Variants in GPATCH2 observed in about 807,000 individuals in gnomAD.
GPATCH2 encodes G-patch domain containing 2, also known as G patch domain-containing protein 2.
GPATCH2 carries 51 observed loss-of-function variants against 58.0 expected under a neutral mutation model. The observed-to-expected ratio is 0.88, with a 90% CI of 0.70 to 1.11. The LOEUF is 1.11. Among genes scored for constraint, GPATCH2 ranks in the 50% most tolerant of loss-of-function variants. The pLI is 0.00. For synonymous variants in GPATCH2, 222 were observed against 218.5 expected (o/e 1.02, Z -0.14); for missense variants, 625 against 652.2 (o/e 0.96, Z 0.45).
chr1:217,620,201 C>T lies in GPATCH2; in HGVS notation c.355G>A (p.Asp119Asn), dbSNP rs950192394. Residue 119 changes from aspartate (D) to asparagine (N), a missense_variant, in exon 2 of 10, where the codon GAC (aspartate) becomes AAC (asparagine). Transcript: ENST00000366935. ...CTGCGCTTTGCTACTAACATTTGGT[C>T]ATCAGAGTCACTGTGATCTTTTTTA... is the stretch of plus-strand genomic sequence containing the variant. Reference protein sequence around the residue: ...NNKKDHSDSDDQMLVAKRRPS... With the variant: ...NNKKDHSDSDNQMLVAKRRPS... 1 of 1,613,950 alleles carries T rather than the reference C, an allele frequency of 6.2e-7. No individual in the cohort carries two copies. Among genetic ancestry groups the T allele is most frequent in the Non-Finnish European group, 8.5e-7 (1 of 1,179,970 alleles).
chr1:217,510,644 G>C (rs577167817), intron 6 of GPATCH2, among the ~76,000 whole-genome samples: 1 of 152,066 alleles, frequency 6.6e-6, no homozygotes, highest in African/African-American at 2.4e-5. Context: ...AGAGTGCTCA[G>C]AAATCTTATT....
chr1:217,484,807 G>A (rs1418021089), intron 8 of GPATCH2, among the ~76,000 whole-genome samples: 1 of 150,740 alleles, frequency 6.6e-6, no homozygotes, highest in Non-Finnish European at 1.5e-5. Context: ...AGATATATAT[G>A]TATATGTGTA....
At chr1:217,558,788 GT>G (rs1665770727) in intron 5 of GPATCH2, among the ~76,000 whole-genome samples, 1 of 151,912 alleles carries the variant, frequency 6.6e-6, no homozygotes, top group Non-Finnish European at 1.5e-5. Context: ...TCTACAAAAG[GT>G]TTTAAAAAAT....
At chr1:217,440,604 A>G (rs1163858243) in intron 9 of GPATCH2, among the ~76,000 whole-genome samples, 1 of 152,220 alleles carries the variant, frequency 6.6e-6, no homozygotes, top group Non-Finnish European at 1.5e-5. Flanking sequence ...TTGCATATTT[A>G]GAAAACCCCA....
At chr1:217,459,402 A>G (rs1432394190) in intron 8 of GPATCH2, among the ~76,000 whole-genome samples, 2 of 152,230 alleles carry the variant, frequency 1.3e-5, no homozygotes, top group Non-Finnish European at 2.9e-5. Context: ...TGTCTCTCCA[A>G]GTAGAATCTG....
chr1:217,618,923 C>A (rs1669036164), intron 2 of GPATCH2, among the ~76,000 whole-genome samples: 1 of 151,400 alleles, frequency 6.6e-6, no homozygotes, highest in Non-Finnish European at 1.5e-5. Flanking sequence ...AGATCACACC[C>A]TTGCACTCCA....
chr1:217,565,173 T>G (rs968238440), intron 5 of GPATCH2, among the ~76,000 whole-genome samples: 2 of 152,216 alleles, frequency 1.3e-5, no homozygotes, highest in African/African-American at 2.4e-5. Context: ...CAAAAGGCCC[T>G]AAATGTTCTA....
At chr1:217,581,283 C>T (rs963620916) in intron 5 of GPATCH2, among the ~76,000 whole-genome samples, 1 of 152,130 alleles carries the variant, frequency 6.6e-6, no homozygotes, top group African/African-American at 2.4e-5. Flanking sequence ...TCAAAACTTC[C>T]ATTTTACAGA....
intron 5 of GPATCH2, among the ~76,000 whole-genome samples, chr1:217,562,283 G>T (rs1462090479): frequency 1.3e-5 from 2 of 152,146 alleles, no homozygotes; most frequent in African/African-American, 4.8e-5. Context: ...ATGGAGTAGA[G>T]CATATTATTT....
chr1:217,597,784 T>C (rs181836261), intron 5 of GPATCH2, among the ~76,000 whole-genome samples: 12 of 152,272 alleles, frequency 7.9e-5, no homozygotes, highest in South Asian at 2.1e-4. Flanking sequence ...GTGGACTCCA[T>C]TCTATCCCCA....
chr1:217,485,575 G>A (rs1661419074), intron 8 of GPATCH2, among the ~76,000 whole-genome samples: 2 of 151,416 alleles, frequency 1.3e-5, no homozygotes, highest in Non-Finnish European at 2.9e-5. Flanking sequence ...AGTTGTCTGT[G>A]CACATGTGGC....
chr1:217,444,784 A>C (rs1659307856), intron 9 of GPATCH2, among the ~76,000 whole-genome samples: 1 of 152,208 alleles, frequency 6.6e-6, no homozygotes, highest in African/African-American at 2.4e-5. Context: ...AATAATCTAC[A>C]GCAGCTATAT....
chr1:217,479,773 T>G (rs1275211037), intron 8 of GPATCH2, among the ~76,000 whole-genome samples: 2 of 151,804 alleles, frequency 1.3e-5, no homozygotes, highest in Non-Finnish European at 2.9e-5. Context: ...AGAAATACAC[T>G]TTACCTGTAA....
At chr1:217,601,547 G>C (rs757018872) in intron 5 of GPATCH2, among the ~76,000 whole-genome samples, 12 of 152,014 alleles carry the variant, frequency 7.9e-5, no homozygotes, top group African/African-American at 1.2e-4. Flanking sequence ...ATCTGATCAG[G>C]AATCAGGAGA....
At chr1:217,512,819 T>C (rs1260291091) in intron 6 of GPATCH2, among the ~76,000 whole-genome samples, 2 of 152,212 alleles carry the variant, frequency 1.3e-5, no homozygotes, top group Non-Finnish European at 2.9e-5. Context: ...GATAAAACTG[T>C]GCAGTACCCT....
intron 1 of GPATCH2, 88 bp from the exon 2 acceptor site, chr1:217,620,587 C>T (rs1343782647): frequency 2.9e-5 from 22 of 761,592 alleles, no homozygotes; most frequent in Admixed American, 4.9e-5. Context: ...ATTCTAAATT[C>T]GACAAAAATT....
intron 5 of GPATCH2, among the ~76,000 whole-genome samples, chr1:217,541,850 C>A (rs543581729): frequency 6.6e-6 from 1 of 152,234 alleles, no homozygotes; most frequent in East Asian, 1.9e-4. Context: ...AGATAAATGA[C>A]AAAGTGGAAG....
chr1:217,619,949 C>T lies in GPATCH2; in HGVS notation c.607G>A (p.Glu203Lys). Residue 203 changes from glutamate to lysine, a missense_variant, in exon 2 of 10, where the codon GAA (glutamate) becomes AAA (lysine). By Grantham distance (56) the Glu-to-Lys change is moderately conservative. Coordinates refer to ENST00000366935, the MANE Select transcript of GPATCH2 (RefSeq NM_018040.5). ...MDSDRAYQYQ[E>K]FTKNKVKKRK... ...TTTTTGACTTTGTTCTTGGTAAATT[C>T]TTGATACTGGTAGGCTCTATCACTG... The T allele has an allele frequency of 6.2e-7, 1 of 1,613,878 alleles. No individual in the cohort carries two copies.
At chr1:217,553,992 C>T (rs1377433587) in intron 5 of GPATCH2, among the ~76,000 whole-genome samples, 1 of 152,122 alleles carries the variant, frequency 6.6e-6, no homozygotes, top group African/African-American at 2.4e-5. Context: ...CAAAAAAAAT[C>T]CCATTTACTT....
Sources: allele counts gnomAD v4.1 joint callset (sites outside exome capture counted in the v4.1 genomes callset), GRCh38; gene constraint gnomAD v4.1.1; transcripts MANE v1.5; gene names NCBI Gene and HGNC (gene_info 2026-07-23, HGNC 2026-07-21).